The following MMP28 variants were observed in gnomAD, a reference collection of about 807,000 sequenced individuals.
MMP28 encodes matrix metalloproteinase-28.
Under a neutral mutation model 60.5 loss-of-function variants are expected in MMP28, and 55 were observed. The ratio of observed to expected loss-of-function variants is 0.91; its 90% CI spans 0.73 to 1.14. MMP28 has a LOEUF of 1.14. MMP28 is among the 50% of genes most tolerant of loss of function. The pLI, the probability that MMP28 is intolerant of heterozygous loss-of-function variation, is 0.00. For synonymous variants in MMP28, 318 were observed against 312.5 expected (o/e 1.02, Z -0.18); for missense variants, 686 against 738.3 (o/e 0.93, Z 0.82).
intron 1 of MMP28, among the ~76,000 whole-genome samples, chr17:35,784,463 T>C (rs1015415771): frequency 6.6e-6 from 1 of 152,134 alleles, no homozygotes; most frequent in African/African-American, 2.4e-5. Context: ...CAGATCCAAC[T>C]TCCCGGGTGA....
At chr17:35,789,003 CA>C (rs2143586746) in intron 1 of MMP28, among the ~76,000 whole-genome samples, 1 of 152,270 alleles carries the variant, frequency 6.6e-6, no homozygotes, top group East Asian at 1.9e-4. Flanking sequence ...CTAAGTTGCC[CA>C]CTGAACTTGT....
At chr17:35,779,191 A>G in intron 2 of MMP28, 53 bp downstream of exon 2, 1 of 1,574,828 alleles carries the variant, frequency 6.3e-7, no homozygotes, top group Non-Finnish European at 8.6e-7. Context: ...AAATGGTCAG[A>G]GCTTGGCATC....
intron 2 of MMP28, among the ~76,000 whole-genome samples, chr17:35,760,619 C>A (rs587615619): frequency 1.3e-5 from 2 of 152,316 alleles, no homozygotes; most frequent in East Asian, 1.9e-4. Flanking sequence ...CAGAGAGATA[C>A]CATGCTGAAC....
downstream of MMP28, chr17:35,764,481 C>T (rs781965737): frequency 1.3e-6 from 2 of 1,570,372 alleles, no homozygotes; most frequent in Admixed American, 1.8e-5. Context: ...ACGACCGCCG[C>T]GCCGCGGGGG....
At chr17:35,759,002 T>A (rs2085771604) in intron 2 of MMP28, among the ~76,000 whole-genome samples, 1 of 152,204 alleles carries the variant, frequency 6.6e-6, no homozygotes, top group African/African-American at 2.4e-5. Context: ...TTAGTGAGTG[T>A]CTCAGTGAGA....
intron 3 of MMP28, 87 bp downstream of exon 3, chr17:35,778,801 G>C: frequency 1.2e-6 from 2 of 1,610,804 alleles, no homozygotes; most frequent in Non-Finnish European, 1.7e-6. Context: ...TACTGACAAA[G>C]TCCAGTCCCA....
At chr17:35,773,040 A>G in intron 4 of MMP28, 140 bp downstream of exon 4, 1 of 684,844 alleles carries the variant, frequency 1.5e-6, no homozygotes, top group Non-Finnish European at 2.4e-6. Context: ...TTTTAGGATG[A>G]GGAGACTGAG....
In MMP28 at chr17:35,795,330, C is replaced by A; in HGVS notation, c.48G>T (p.Leu16=). Reference sequence around the variant, plus strand: ...CGGGCTGGGCGTCCAGGTGGCCCCACAGTAGCAGCTGCAGGGCGCGCAGCA... The same window carrying A: ...CGGGCTGGGCGTCCAGGTGGCCCCAAAGTAGCAGCTGCAGGGCGCGCAGCA... ...GLLLRALQLL[L]WGHLDAQPAE... Residue 16 remains leucine (L), a synonymous_variant, in exon 1 of 8, where the codon CTG becomes CTT. Coordinates refer to ENST00000605424, the MANE Select transcript of MMP28 (RefSeq NM_024302.5). 6.8e-7 allele frequency: 1 copy of A among 1,469,710 alleles called. No individual in the cohort carries two copies. The allele number at this position is 1,469,710 out of a possible 1,614,324, so 91.0% of individuals were successfully genotyped here.
downstream of MMP28, among the ~76,000 whole-genome samples, chr17:35,763,116 C>G (rs587757776): frequency 3.4e-3 from 473 of 138,734 alleles, 4 homozygotes; most frequent in African/African-American, 0.013. Flanking sequence ...AGCGAGACTC[C>G]GTCTCCAAAA....
In MMP28 at chr17:35,770,107, C is replaced by T; in HGVS notation, c.810G>A (p.Leu270=). ...CGGCCAGCACGTCGTCCCAGCTGAG[C>T]AGCGCGTCGCGGCCCAGCCTCTTGT... ...PYYKRLGRDA[L]LSWDDVLAVQ... is the part of the protein sequence containing the mutation. The change falls in exon 5 of 8, where the codon CTG becomes CTA. Residue 270 remains leucine, a synonymous_variant. Transcript: ENST00000605424. The T allele has an allele frequency of 6.2e-7, 1 of 1,602,300 alleles. No individual in the cohort carries two copies. The highest frequency in any genetic ancestry group is 8.5e-7 in the Non-Finnish European group (1 of 1,175,254).
intron 1 of MMP28, among the ~76,000 whole-genome samples, chr17:35,782,979 A>G (rs1034834499): frequency 2.0e-5 from 3 of 152,204 alleles, no homozygotes; most frequent in African/African-American, 7.2e-5. Flanking sequence ...GGCACCTGCC[A>G]CGATGCCCGG....
chr17:35,782,001 T>C (rs2086517733), intron 1 of MMP28, among the ~76,000 whole-genome samples: 1 of 151,812 alleles, frequency 6.6e-6, no homozygotes, highest in Non-Finnish European at 1.5e-5. Context: ...CTTGAATAGC[T>C]AGGACTACAG....
At chr17:35,774,696 C>T (rs577333527) in intron 3 of MMP28, among the ~76,000 whole-genome samples, 346 of 152,304 alleles carry the variant, frequency 2.3e-3, no homozygotes, top group African/African-American at 7.8e-3. Flanking sequence ...AAGGCAATGC[C>T]GCCTCCCTGG....
intron 1 of MMP28, among the ~76,000 whole-genome samples, chr17:35,788,841 T>C (rs1020359803): frequency 2.0e-5 from 3 of 152,106 alleles, no homozygotes; most frequent in African/African-American, 7.2e-5. Flanking sequence ...GATAGAGCCC[T>C]TGGGAATCTG....
chr17:35,756,747 C>T (rs1338180480), intron 2 of MMP28, among the ~76,000 whole-genome samples: 4 of 151,840 alleles, frequency 2.6e-5, no homozygotes, highest in African/African-American at 4.8e-5. Flanking sequence ...GGATTACAGG[C>T]GTGAGCCACT....
In MMP28 at chr17:35,779,275, G is replaced by C; in HGVS notation, c.160C>G (p.Pro54Ala). The C allele has an allele frequency of 6.2e-7, 1 of 1,613,296 alleles. No homozygotes were observed. Among genetic ancestry groups the C allele is most frequent in the South Asian group, 1.1e-5 (1 of 90,828 alleles). Reference sequence around the variant, plus strand: ...GCATCGCTGAATCGAGTGGAGGTGGGAGCTTTGGGGACCTGTTCATTGAGG... The same window carrying C: ...GCATCGCTGAATCGAGTGGAGGTGGCAGCTTTGGGGACCTGTTCATTGAGG... The part of the protein sequence containing the change: ...GYLNEQVPKA[P>A]TSTRFSDAIR... Residue 54 changes from proline to alanine, a missense_variant, in exon 2 of 8, where the codon CCC (proline) becomes GCC (alanine). By Grantham distance (27) the Pro-to-Ala change is conservative (BLOSUM62 -1). Coordinates refer to ENST00000605424, the MANE Select transcript of MMP28 (RefSeq NM_024302.5).
chr17:35,776,025 C>T (rs1171754624), intron 3 of MMP28, among the ~76,000 whole-genome samples: 1 of 152,050 alleles, frequency 6.6e-6, no homozygotes, highest in Non-Finnish European at 1.5e-5. Flanking sequence ...CAGGCACCCC[C>T]CACCACGCCT....
intron 1 of MMP28, among the ~76,000 whole-genome samples, chr17:35,784,828 G>T (rs577569091): frequency 6.6e-6 from 1 of 152,276 alleles, no homozygotes; most frequent in African/African-American, 2.4e-5. Context: ...CTTCAAGGAG[G>T]CAGAGTCTAG....
At chr17:35,767,021 A>C in intron 7 of MMP28, 127 bp from the exon 8 acceptor site, 2 of 873,536 alleles carry the variant, frequency 2.3e-6, no homozygotes, top group Non-Finnish European at 3.7e-6. Context: ...ATTCATATCA[A>C]TCAAACGGAT....
Sources: allele counts gnomAD v4.1 joint callset (sites outside exome capture counted in the v4.1 genomes callset), GRCh38; gene constraint gnomAD v4.1.1; transcripts MANE v1.5; gene names NCBI Gene and HGNC (gene_info 2026-07-23, HGNC 2026-07-21).